The following SGIP1 variants were observed in gnomAD, a reference collection of about 807,000 sequenced individuals.
The protein encoded by SGIP1 is SH3-containing GRB2-like protein 3-interacting protein 1.
SGIP1 carries 38 observed loss-of-function variants against 107.5 expected under a neutral mutation model. That is an observed-to-expected ratio of 0.35 (90% confidence interval 0.27 to 0.46). The LOEUF is 0.46. Among genes scored for constraint, SGIP1 ranks in the 20% least tolerant of loss-of-function variants. The pLI, the probability that SGIP1 is intolerant of heterozygous loss-of-function variation, is 1.00. For missense variants in SGIP1, 929 were observed against 1,019.5 expected, an observed-to-expected ratio of 0.91 and a Z score of 1.21; for synonymous variants, 365 against 366.1, an observed-to-expected ratio of 1.00 and a Z score of 0.03.
rs2150845326 is a variant in SGIP1, at chr1:66,750,687, C to T, written c.*7592C>T. 6.6e-6 allele frequency among the ~76,000 whole-genome samples: 1 copy of T among 152,274 alleles called. No individual in the cohort carries two copies. The highest frequency in any genetic ancestry group is 2.1e-4 in the South Asian group (1 of 4,826). Reference sequence around the variant, plus strand: ...CTATTTCAAAAGAGTATACTTTTTTCTGACAGCCATTACTGCTTAGTCTGT... The same window carrying T: ...CTATTTCAAAAGAGTATACTTTTTTTTGACAGCCATTACTGCTTAGTCTGT... On this transcript the variant is annotated 3_prime_UTR_variant, in exon 25 of 25. Coordinates refer to ENST00000371037, the MANE Select transcript of SGIP1 (RefSeq NM_032291.4).
At chr1:66,618,613 T>G (rs1424224332) in intron 1 of SGIP1, among the ~76,000 whole-genome samples, 2 of 152,186 alleles carry the variant, frequency 1.3e-5, no homozygotes, top group Non-Finnish European at 2.9e-5. Flanking sequence ...CTTACTCACT[T>G]TGAGTCTGTT....
chr1:66,620,500 G>GTT (rs1415024342), intron 1 of SGIP1, among the ~76,000 whole-genome samples: 5 of 152,146 alleles, frequency 3.3e-5, no homozygotes, highest in Admixed American at 6.5e-5. Context: ...AGAAGGTGAA[G>GTT]GGGAAGCAAG....
chr1:66,717,964 C>G (rs2093338259), intron 18 of SGIP1, among the ~76,000 whole-genome samples: 1 of 152,234 alleles, frequency 6.6e-6, no homozygotes. Flanking sequence ...TCCCCAGCAC[C>G]TACCATAATA....
At chr1:66,685,606 T>C (rs930360588) in intron 15 of SGIP1, among the ~76,000 whole-genome samples, 4 of 152,214 alleles carry the variant, frequency 2.6e-5, no homozygotes, top group Non-Finnish European at 5.9e-5. Flanking sequence ...ACACAGTCAA[T>C]AAACAAATTA....
intron 1 of SGIP1, among the ~76,000 whole-genome samples, chr1:66,589,638 GT>G (rs2063307328): frequency 6.6e-6 from 1 of 152,036 alleles, no homozygotes; most frequent in Non-Finnish European, 1.5e-5. Context: ...TGCCATATTT[GT>G]TTGTATGTAA....
intron 17 of SGIP1, among the ~76,000 whole-genome samples, chr1:66,691,919 G>A (rs1332006748): frequency 5.3e-5 from 8 of 152,158 alleles, no homozygotes; most frequent in Non-Finnish European, 8.8e-5. Context: ...CCAGCACTTT[G>A]GGAGGCCGAG....
intron 18 of SGIP1, among the ~76,000 whole-genome samples, chr1:66,710,733 G>A (rs1029215320): frequency 1.3e-5 from 2 of 152,132 alleles, no homozygotes; most frequent in Admixed American, 6.6e-5. Flanking sequence ...AAGGATATAG[G>A]ATTCCATGAA....
At chr1:66,687,504 T>G (rs1446288461) in intron 15 of SGIP1, among the ~76,000 whole-genome samples, 1 of 152,038 alleles carries the variant, frequency 6.6e-6, no homozygotes, top group African/African-American at 2.4e-5. Flanking sequence ...GAGAGAGAGA[T>G]GTGCAAGCCA....
At chr1:66,568,484 A>T (rs567483481) in intron 1 of SGIP1, among the ~76,000 whole-genome samples, 3 of 152,016 alleles carry the variant, frequency 2.0e-5, no homozygotes, top group Admixed American at 1.3e-4. Flanking sequence ...AATACCCTTT[A>T]TTTCTTTCTC....
At chr1:66,595,835 T>C (rs983906296) in intron 1 of SGIP1, among the ~76,000 whole-genome samples, 6 of 152,186 alleles carry the variant, frequency 3.9e-5, no homozygotes, top group Non-Finnish European at 8.8e-5. Context: ...TGGTACATAC[T>C]GTATGAGTCC....
At chr1:66,685,103 T>A (rs2087861328) in intron 15 of SGIP1, among the ~76,000 whole-genome samples, 2 of 152,226 alleles carry the variant, frequency 1.3e-5, no homozygotes. Flanking sequence ...CAATAGGGTA[T>A]GGCCTCATGT....
intron 7 of SGIP1, chr1:66,660,147 G>A (rs1200560219): frequency 2.7e-4 from 6 of 22,420 alleles, no homozygotes; most frequent in African/African-American, 1.0e-3. Flanking sequence ...AAAGAAGAGA[G>A]AAAGAAAGAA....
At chr1:66,598,596 C>T (rs920557984) in intron 1 of SGIP1, among the ~76,000 whole-genome samples, 1 of 152,254 alleles carries the variant, frequency 6.6e-6, no homozygotes, top group South Asian at 2.1e-4. Flanking sequence ...TCTGGGGAAG[C>T]CTCAGAAAAC....
intron 15 of SGIP1, 146 bp from the exon 16 acceptor site, chr1:66,689,002 A>G (rs1405317919): frequency 1.2e-6 from 1 of 835,044 alleles, no homozygotes; most frequent in Non-Finnish European, 1.7e-6. Flanking sequence ...GAAAAAAAAG[A>G]GAAAAAAGAA....
chr1:66,684,444 C>A (rs1415419284), intron 15 of SGIP1, among the ~76,000 whole-genome samples: 14 of 152,196 alleles, frequency 9.2e-5, no homozygotes, highest in Admixed American at 8.5e-4. Context: ...TCCTTATCTA[C>A]CTGTAAAGAT....
chr1:66,594,593 A>T (rs536939964), intron 1 of SGIP1, among the ~76,000 whole-genome samples: 1 of 152,264 alleles, frequency 6.6e-6, no homozygotes, highest in South Asian at 2.1e-4. Flanking sequence ...GGCTCTGGGA[A>T]TGTGGGAGCA....
At position 66,591,712 on chromosome 1, in the gene SGIP1, G is replaced by A. The variant is rs184444454; in HGVS notation, c.11-34135G>A. Among the ~76,000 whole-genome samples the A allele has an allele frequency of 1.3e-3, 200 of 152,288 alleles. 5 individuals are homozygous for A. The East Asian group carries it at 0.031, about 24-fold the overall frequency. ...GGCGCTCAGCATAGGGAGGACCAGC[G>A]CGGGCACTGGTCTCTGAGTTCCCTC... On this transcript the variant is annotated intron_variant, in intron 1 of 24. Transcript: ENST00000371037.
rs754956739 is a variant in SGIP1, at chr1:66,682,149, G to A, written c.1095G>A (p.Gly365=). ...PGPTGPPGPP[G]PPRNVLSPLN... The stretch of plus-strand genomic sequence containing the variant: ...CCACAGGCCCCCCAGGGCCTCCTGG[G>A]CCTCCTCGCAATGTACTATCGCCGC... Residue 365 remains glycine, a synonymous_variant, in exon 15 of 25, where the codon GGG becomes GGA. Transcript: ENST00000371037. 6 of 1,614,196 alleles carry A rather than the reference G, an allele frequency of 3.7e-6. No homozygotes were observed. The highest frequency in any genetic ancestry group is 1.1e-5 in the South Asian group (1 of 91,090).
rs1243400203 is a variant in SGIP1 at position 66,741,326 on chromosome 1, C to G, written c.2354C>G (p.Ser785Cys). The G allele has an allele frequency of 6.2e-7, 1 of 1,607,314 alleles. No individual in the cohort carries two copies. The highest frequency in any genetic ancestry group is 8.5e-7 in the Non-Finnish European group (1 of 1,176,796). ...TTATCTGAAGGCCCAAGCAAACCTT[C>G]TCCATTGGTTGTGCAGTTCACAAGT... is the stretch of plus-strand genomic sequence containing the variant. ...FQLSEGPSKP[S>C]PLVVQFTSEG... is the part of the protein sequence containing the mutation. Residue 785 changes from serine to cysteine, a missense_variant, in exon 24 of 25, where the codon TCT (serine) becomes TGT (cysteine). Ser to Cys is a moderately radical substitution (Grantham distance 112). This residue lies in a region of SGIP1 where 341 missense variants were observed against 430.9 expected (regional missense o/e 0.79). Transcript: ENST00000371037.
Sources: allele counts gnomAD v4.1 joint callset (sites outside exome capture counted in the v4.1 genomes callset), GRCh38; gene constraint gnomAD v4.1.1; regional missense constraint gnomAD v4.1.1; transcripts MANE v1.5; gene names NCBI Gene and HGNC (gene_info 2026-07-23, HGNC 2026-07-21).